RBFOX1: variants seen among roughly 807,000 people sequenced by gnomAD.
RBFOX1 encodes RNA binding protein fox-1 homolog 1.
Under a neutral mutation model 57.7 loss-of-function variants are expected in RBFOX1, and 8 were observed. The observed-to-expected ratio is 0.14, with a 90% CI of 0.08 to 0.25. The LOEUF (loss-of-function observed/expected upper bound fraction) is 0.25. Among genes scored for constraint, RBFOX1 ranks in the 10% least tolerant of loss-of-function variants. The pLI is 1.00. For synonymous variants in RBFOX1, 326 were observed against 222.4 expected, an observed-to-expected ratio of 1.47 and a Z score of -4.15; for missense variants, 611 against 548.5, an observed-to-expected ratio of 1.11 and a Z score of -1.14.
At chr16:7,378,995 T>G (rs1041406111) in intron 4 of RBFOX1, among the ~76,000 whole-genome samples, 1 of 152,240 alleles carries the variant, frequency 6.6e-6, no homozygotes, top group Non-Finnish European at 1.5e-5. Flanking sequence ...GACTGCAAGC[T>G]TAGATATCTA....
At chr16:7,696,136 T>C (rs1005954490) in intron 14 of RBFOX1, among the ~76,000 whole-genome samples, 3 of 152,332 alleles carry the variant, frequency 2.0e-5, no homozygotes, top group African/African-American at 7.2e-5. Flanking sequence ...TTCATTAACA[T>C]TTGTGGTCTG....
At chr16:7,477,723 T>A (rs1402958646) in intron 4 of RBFOX1, among the ~76,000 whole-genome samples, 5 of 152,154 alleles carry the variant, frequency 3.3e-5, no homozygotes, top group African/African-American at 9.7e-5. Context: ...GACTTCAAGG[T>A]GGCATTGGAT....
At chr16:5,269,442 C>G (rs1447064957) in intron 1 of RBFOX1, among the ~76,000 whole-genome samples, 1 of 152,172 alleles carries the variant, frequency 6.6e-6, no homozygotes, top group Admixed American at 6.5e-5. Context: ...AGCATCACTC[C>G]TAATAACCCA....
rs1451439602 is a variant in RBFOX1, at chr16:5,611,789, TCCATCCACCCAC to T, written c.318+12832_318+12843del. On this transcript the variant is annotated intron_variant, in intron 3 of 19. Transcript: ENST00000641259. ...AGTCTCCCATCCATCCATCCATCCATCCATCCACCCACCCACCCACCCACCCACCCATTCATC... is the reference window on the plus strand; with the variant it reads ...AGTCTCCCATCCATCCATCCATCCATCCACCCACCCACCCACCCATTCATC... Among the ~76,000 whole-genome samples the T allele has an allele frequency of 3.9e-4, 42 of 106,464 alleles. 1 individual carries two copies. In the East Asian group the frequency reaches 7.1e-3, roughly 18 times the overall value. 69.8% of individuals were successfully genotyped at this position (106,464 alleles called of 152,430 possible). A position where few individuals can be genotyped will look rare whatever the true frequency, so the allele number is the denominator to read the frequency against.
At chr16:6,521,994 G>T (rs917567352) in intron 2 of RBFOX1, among the ~76,000 whole-genome samples, 1 of 152,110 alleles carries the variant, frequency 6.6e-6, no homozygotes, top group Admixed American at 6.5e-5. Context: ...CAAGGTTATC[G>T]ACCAGCTTCT....
At chr16:7,242,848 T>G (rs61142032) in intron 4 of RBFOX1, among the ~76,000 whole-genome samples, 1 of 152,126 alleles carries the variant, frequency 6.6e-6, no homozygotes. Context: ...GTTTGGACTG[T>G]GCTGGTGAGA....
intron 2 of RBFOX1, among the ~76,000 whole-genome samples, chr16:5,467,422 C>T (rs927327773): frequency 6.6e-6 from 1 of 152,160 alleles, no homozygotes; most frequent in African/African-American, 2.4e-5. Flanking sequence ...ACTAATTGAT[C>T]AGGGAAGGCT....
chr16:6,196,174 A>G (rs1378883399), intron 1 of RBFOX1, among the ~76,000 whole-genome samples: 1 of 152,186 alleles, frequency 6.6e-6, no homozygotes, highest in African/African-American at 2.4e-5. Context: ...TTTCAGATGC[A>G]GAAACTGAGG....
intron 4 of RBFOX1, among the ~76,000 whole-genome samples, chr16:7,111,258 A>G (rs950512936): frequency 2.0e-5 from 3 of 152,208 alleles, no homozygotes; most frequent in East Asian, 1.9e-4. Context: ...CTTACACCGT[A>G]AAAGTGAAAG....
At chr16:6,909,284 T>C (rs1291017761) in intron 3 of RBFOX1, among the ~76,000 whole-genome samples, 1 of 152,176 alleles carries the variant, frequency 6.6e-6, no homozygotes, top group Non-Finnish European at 1.5e-5. Flanking sequence ...GCCTTCAGAC[T>C]CCAGCCCTGG....
At chr16:6,349,070 C>T (rs111913690) in intron 2 of RBFOX1, among the ~76,000 whole-genome samples, 3,116 of 152,190 alleles carry the variant, frequency 0.02, 86 homozygotes, top group African/African-American at 0.068. Flanking sequence ...GTTGGCTAGG[C>T]GAGCTGATGC....
At chr16:6,113,339 GGT>G (rs2096465446) in intron 1 of RBFOX1, among the ~76,000 whole-genome samples, 1 of 152,130 alleles carries the variant, frequency 6.6e-6, no homozygotes, top group African/African-American at 2.4e-5. Flanking sequence ...CCAAATCCAA[GGT>G]TAAGCATCAA....
chr16:5,937,887 C>G (rs2059199244), intron 4 of RBFOX1, among the ~76,000 whole-genome samples: 1 of 151,398 alleles, frequency 6.6e-6, no homozygotes, highest in Non-Finnish European at 1.5e-5. Flanking sequence ...ATATATATTG[C>G]AAAATGTGGT....
rs1417978341 is a variant in RBFOX1, at chr16:5,908,330, A to ATGTG, written c.351+40996_351+40997insGTGT. ...CACATATATACACACACACATATAT[A>ATGTG]TATGTGTGTGTGTGTGTGTGTGTCT... On this transcript the variant is annotated intron_variant, in intron 4 of 19. Coordinates refer to the RBFOX1 transcript ENST00000641259. 8.5e-4 allele frequency among the ~76,000 whole-genome samples: 118 copies of ATGTG among 138,274 alleles called. 1 individual carries two copies. The highest frequency in any genetic ancestry group is 2.9e-3 in the African/African-American group (106 of 36,934). The allele number at this position is 138,274 out of a possible 152,430, so 90.7% of individuals were successfully genotyped here.
intron 3 of RBFOX1, among the ~76,000 whole-genome samples, chr16:6,728,945 A>G (rs555168421): frequency 3.8e-4 from 58 of 152,324 alleles, no homozygotes; most frequent in African/African-American, 1.3e-3. Context: ...ATATTTGTAT[A>G]CATACACACA....
intron 14 of RBFOX1, among the ~76,000 whole-genome samples, chr16:7,695,767 C>T (rs1450282943): frequency 3.3e-5 from 5 of 151,900 alleles, no homozygotes; most frequent in East Asian, 1.9e-4. Context: ...TGTATTGAAT[C>T]CTGCTATCTA....
intron 10 of RBFOX1, among the ~76,000 whole-genome samples, chr16:7,608,260 T>G (rs1304197020): frequency 6.6e-6 from 1 of 152,222 alleles, no homozygotes; most frequent in Non-Finnish European, 1.5e-5. Context: ...CTAACTTTTG[T>G]CATTTTCCTA....
chr16:7,130,329 C>G lies in RBFOX1; in HGVS notation c.27+78231C>G, dbSNP rs115682947. Among the ~76,000 whole-genome samples, 658 of 152,274 alleles carry G rather than the reference C, an allele frequency of 4.3e-3. 6 individuals carry two copies. The highest frequency in any genetic ancestry group is 0.015 in the African/African-American group (628 of 41,548). On this transcript the variant is annotated intron_variant, in intron 4 of 15. Coordinates refer to ENST00000550418, the MANE Select transcript of RBFOX1 (RefSeq NM_018723.4). ...AGATTGTAGGCATGAAGCCACCACG[C>G]CAGGCCTGAAGACTGATTATTTTTA...
chr16:7,098,911 G>A (rs181482607), intron 4 of RBFOX1, among the ~76,000 whole-genome samples: 1 of 152,076 alleles, frequency 6.6e-6, no homozygotes, highest in Admixed American at 6.6e-5. Flanking sequence ...CTTTAAAATG[G>A]GACTGTTACT....
Sources: gnomAD v4.1 joint callset for allele counts (sites outside exome capture counted in the v4.1 genomes callset) on GRCh38, gnomAD v4.1.1 for gene constraint, MANE v1.5 for transcripts, NCBI Gene and HGNC (gene_info 2026-07-23, HGNC 2026-07-21) for gene names.